The following PIK3R2 variants were observed in gnomAD, a reference collection of about 807,000 sequenced individuals.
PIK3R2 encodes the protein phosphoinositide-3-kinase regulatory subunit 2, also known as phosphatidylinositol 3-kinase regulatory subunit beta.
Under a neutral mutation model 78.5 loss-of-function variants are expected in PIK3R2, and 40 were observed. The ratio of observed to expected loss-of-function variants is 0.51; its 90% confidence interval spans 0.40 to 0.66. The LOEUF (loss-of-function observed/expected upper bound fraction) is 0.66. Among genes scored for constraint, PIK3R2 ranks in the 30% least tolerant of loss-of-function variants. PIK3R2 has a pLI of 0.00. For synonymous variants in PIK3R2, 473 were observed against 457.7 expected (o/e 1.03, Z -0.43); for missense variants, 880 against 1,026.6 (o/e 0.86, Z 1.95).
At chr19:18,158,702 C>T (rs1162432652) in intron 2 of PIK3R2, among the ~76,000 whole-genome samples, 3 of 152,176 alleles carry the variant, frequency 2.0e-5, no homozygotes, top group Non-Finnish European at 4.4e-5. Context: ...GAGGGCAGGT[C>T]CTGTGGCCAA....
Position 18,169,516 on chromosome 19 carries a change from T to A in PIK3R2, c.*222T>A, listed in dbSNP as rs1967130658. On this transcript the variant is annotated 3_prime_UTR_variant, in exon 16 of 16. Transcript: ENST00000222254. The stretch of plus-strand genomic sequence containing the variant: ...CTCTGTCTTTCTTGGCCCCTGTCTC[T>A]CTCCATGTTGGGGGTCCTAACTCCC... 1 of 338,774 alleles carries A rather than the reference T, an allele frequency of 3.0e-6. No individual in the cohort carries two copies. Among genetic ancestry groups the A allele is most frequent in the Non-Finnish European group, 5.4e-6 (1 of 186,410 alleles). 21.0% of individuals were successfully genotyped at this position (338,774 alleles called of 1,614,324 possible).
Position 18,161,861 on chromosome 19 carries a change from T to G in PIK3R2, c.816-105T>G. The G allele has an allele frequency of 1.1e-6, 1 of 903,436 alleles. No individual in the cohort carries two copies. The highest frequency in any genetic ancestry group is 1.4e-5 in the South Asian group (1 of 72,760). The allele number at this position is 903,436 out of a possible 1,614,324, so 56.0% of individuals were successfully genotyped here. A position where few individuals can be genotyped will look rare whatever the true frequency, so the allele number is the denominator to read the frequency against. On this transcript the variant is annotated intron_variant, in intron 6 of 15. Coordinates refer to ENST00000222254, the MANE Select transcript of PIK3R2 (RefSeq NM_005027.4). This position sits in a 1 kb window ranked among gnomAD's most constrained non-coding sequence, Gnocchi z 5.3. ...ATCTCCTCCTCCGCCCTGCACATAC[T>G]GTCTCGTATATACCCCCAGGCGTGC...
At chr19:18,163,512 A>T in intron 11 of PIK3R2, 124 bp downstream of exon 11, 1 of 1,002,434 alleles carries the variant, frequency 1.0e-6, no homozygotes, top group East Asian at 2.6e-5. Context: ...CAGAGCAGGC[A>T]CTTAGCACCA....
intron 3 of PIK3R2, 29 bp downstream of exon 3, chr19:18,160,592 G>A (rs766757561): frequency 1.5e-5 from 23 of 1,534,332 alleles, no homozygotes; most frequent in Middle Eastern, 1.7e-4. Flanking sequence ...GCAGCCCCTG[G>A]ATTCTGCTTG....
Position 18,156,230 on chromosome 19 carries a change from G to T in PIK3R2, c.322+29G>T. 2 of 1,449,902 alleles carry T rather than the reference G, an allele frequency of 1.4e-6. No individual in the cohort carries two copies. The highest frequency in any genetic ancestry group is 1.8e-6 in the Non-Finnish European group (2 of 1,101,582). 89.8% of individuals were successfully genotyped at this position (1,449,902 alleles called of 1,614,324 possible). On this transcript the variant is annotated intron_variant, in intron 2 of 15. Coordinates refer to ENST00000222254, the MANE Select transcript of PIK3R2 (RefSeq NM_005027.4). The surrounding 1 kb of genome is among the most constrained non-coding windows in gnomAD (Gnocchi z 4.2). ...AGCAGCAAGCAGGGGCCCTGGAAAG[G>T]GGGGTGGTCCCCTCAGACCCTTGGT...
rs756069673 is a variant in PIK3R2, at chr19:18,167,344, C to T, written c.1736+38C>T. ...TCCATACTTCCCTGCGGCTCCCTGG[C>T]GACTGCTGCGGCACATGGAGATCTC... is the stretch of plus-strand genomic sequence containing the variant. On this transcript the variant is annotated intron_variant, in intron 13 of 15. Transcript: ENST00000222254. The surrounding 1 kb of genome is among the most constrained non-coding windows in gnomAD (Gnocchi z 4.5). 1.2e-5 allele frequency: 18 copies of T among 1,494,378 alleles called. No homozygotes were observed. Among genetic ancestry groups the T allele is most frequent in the Admixed American group, 2.1e-5 (1 of 48,002 alleles). The allele number at this position is 1,494,378 out of a possible 1,614,324, so 92.6% of individuals were successfully genotyped here. A position where few individuals can be genotyped will look rare whatever the true frequency, so the allele number is the denominator to read the frequency against.
At chr19:18,162,573 A>T in intron 9 of PIK3R2, 67 bp downstream of exon 9, 1 of 1,369,484 alleles carries the variant, frequency 7.3e-7, no homozygotes, top group Non-Finnish European at 1.0e-6. Flanking sequence ...TTCAGAGGGG[A>T]TAGAACATGT....
At position 18,156,152 on chromosome 19, in the gene PIK3R2, G is replaced by C; in HGVS notation, c.273G>C (p.Arg91=). 6.8e-7 allele frequency: 1 copy of C among 1,465,840 alleles called. No homozygotes were observed. The highest frequency in any genetic ancestry group is 1.8e-4 in the Middle Eastern group (1 of 5,468). The allele number at this position is 1,465,840 out of a possible 1,614,324, so 90.8% of individuals were successfully genotyped here. ...VALARPGPRP[R]GPRPLPARPR... is the part of the protein sequence containing the mutation. ...TGGCCCGGCCCGGCCCTCGCCCACG[G>C]GGCCCCCGCCCACTGCCCGCCAGGC... The change falls in exon 2 of 16, where the codon CGG becomes CGC. Residue 91 remains arginine, a synonymous_variant. Coordinates refer to ENST00000222254, the MANE Select transcript of PIK3R2 (RefSeq NM_005027.4). This position sits in a 1 kb window ranked among gnomAD's most constrained non-coding sequence, Gnocchi z 4.2.
chr19:18,156,562 G>A lies in PIK3R2; in HGVS notation c.322+361G>A, dbSNP rs902037860. Among the ~76,000 whole-genome samples the A allele has an allele frequency of 6.6e-6, 1 of 152,172 alleles. No homozygotes were observed. The highest frequency in any genetic ancestry group is 1.5e-5 in the Non-Finnish European group (1 of 68,028). ...AGCAGGAGGACCAGAGGGAGGAAGG[G>A]GAGGGCAATGTGCGCTGGCATGGAG... On this transcript the variant is annotated intron_variant, in intron 2 of 15. Coordinates refer to ENST00000222254, the MANE Select transcript of PIK3R2 (RefSeq NM_005027.4). This position sits in a 1 kb window ranked among gnomAD's most constrained non-coding sequence, Gnocchi z 4.2.
chr19:18,170,107 C>T lies in PIK3R2; in HGVS notation c.*813C>T. 1 of 159,578 alleles carries T rather than the reference C, an allele frequency of 6.3e-6. No homozygotes were observed. The highest frequency in any genetic ancestry group is 1.4e-4 in the East Asian group (1 of 6,948). 9.9% of individuals were successfully genotyped at this position (159,578 alleles called of 1,614,324 possible). ...CCTGTAATCCCAGCTACTTGGGAGG[C>T]TGAGGCGTGAGAATCTCTTGAACCC... On this transcript the variant is annotated 3_prime_UTR_variant, in exon 16 of 16. Coordinates refer to ENST00000222254, the MANE Select transcript of PIK3R2 (RefSeq NM_005027.4).
In PIK3R2 at chr19:18,168,660, C is replaced by T. The variant is rs2147959507; in HGVS notation, c.1809-66C>T. ...CAGGGAGGAAAAGTTGTCCAGGCAG[C>T]TGGGGAGCCTCGGAGGCTGGCAGGT... is the stretch of plus-strand genomic sequence containing the variant. On this transcript the variant is annotated intron_variant, in intron 14 of 15. Transcript: ENST00000222254. The surrounding 1 kb of genome is among the most constrained non-coding windows in gnomAD (Gnocchi z 4.1). The T allele has an allele frequency of 7.3e-7, 1 of 1,377,618 alleles. No individual in the cohort carries two copies. The highest frequency in any genetic ancestry group is 1.4e-5 in the African/African-American group (1 of 70,726). The allele number at this position is 1,377,618 out of a possible 1,614,324, so 85.3% of individuals were successfully genotyped here.
chr19:18,156,368 T>TC lies in PIK3R2; in HGVS notation c.322+169dup, dbSNP rs1432017921. On this transcript the variant is annotated intron_variant, in intron 2 of 15. Coordinates refer to ENST00000222254, the MANE Select transcript of PIK3R2 (RefSeq NM_005027.4). The surrounding 1 kb of genome is among the most constrained non-coding windows in gnomAD (Gnocchi z 4.2). ...GCTCAGCAGTGGACACAAGGCCTGT[T>TC]CCTGCCCTCATGAGCTTCTGGTTCA... Among the ~76,000 whole-genome samples, 2 of 152,230 alleles carry TC rather than the reference T, an allele frequency of 1.3e-5. No individual in the cohort carries two copies. Among genetic ancestry groups the TC allele is most frequent in the African/African-American group, 2.4e-5 (1 of 41,464 alleles).
At chr19:18,158,651 G>T (rs1599967016) in intron 2 of PIK3R2, among the ~76,000 whole-genome samples, 1 of 152,220 alleles carries the variant, frequency 6.6e-6, no homozygotes, top group Admixed American at 6.5e-5. Context: ...GAGAGGCAAT[G>T]TCATTGGCCC....
At chr19:18,165,849 G>T (rs185143940) in intron 11 of PIK3R2, among the ~76,000 whole-genome samples, 11 of 152,232 alleles carry the variant, frequency 7.2e-5, no homozygotes, top group Admixed American at 6.5e-4. Context: ...AAGGAAAGTC[G>T]TAGTGCGGCA....
rs573219941 is a variant in PIK3R2, at chr19:18,168,990, T to G, written c.1979+94T>G. 99 of 1,558,606 alleles carry G rather than the reference T, an allele frequency of 6.4e-5. No individual in the cohort carries two copies. Among genetic ancestry groups the G allele is most frequent in the Non-Finnish European group, 7.7e-5 (88 of 1,142,380 alleles). ...CCAGGCCTTGGGAAGGAGTCCCTGG[T>G]GGGGTCATCCGGGACAGGGGAGCAC... is the stretch of plus-strand genomic sequence containing the variant. On this transcript the variant is annotated intron_variant, in intron 15 of 15. Coordinates refer to ENST00000222254, the MANE Select transcript of PIK3R2 (RefSeq NM_005027.4). This position sits in a 1 kb window ranked among gnomAD's most constrained non-coding sequence, Gnocchi z 4.1.
chr19:18,165,543 A>G (rs1474019416), intron 11 of PIK3R2, among the ~76,000 whole-genome samples: 1 of 151,382 alleles, frequency 6.6e-6, no homozygotes, highest in Non-Finnish European at 1.5e-5. Context: ...AAACAAAAAA[A>G]ATTTTGAGGT....
chr19:18,160,947 G>A lies in PIK3R2; in HGVS notation c.444G>A (p.Pro148=), dbSNP rs369698998. The change falls in exon 4 of 16, where the codon CCG becomes CCA. Residue 148 remains proline (P), a synonymous_variant. Coordinates refer to ENST00000222254, the MANE Select transcript of PIK3R2 (RefSeq NM_005027.4). The part of the protein sequence containing the change: ...TGLDSESHYR[P]ELPAPRTDWS... ...TGGACAGCGAATCTCACTACCGCCC[G>A]GAGCTGCCCGCACCGCGTACAGGTG... 3 of 1,611,914 alleles carry A rather than the reference G, an allele frequency of 1.9e-6. No individual in the cohort carries two copies. The highest frequency in any genetic ancestry group is 1.7e-6 in the Non-Finnish European group (2 of 1,179,522).
chr19:18,163,172 G>A (rs1209750649), intron 10 of PIK3R2, 25 bp downstream of exon 10: 1 of 1,613,392 alleles, frequency 6.2e-7, no homozygotes. Context: ...GGGAGCCAGG[G>A]AGGGTAGCAC....
rs1001339002 is a variant in PIK3R2, at chr19:18,170,149, A to C, written c.*855A>C. ...CTTGAACCCAGGAGATGGAGGTTGCAGTGAGCAGAGATCGTGCCACTGCAC... is the reference window on the plus strand; with the variant it reads ...CTTGAACCCAGGAGATGGAGGTTGCCGTGAGCAGAGATCGTGCCACTGCAC... On this transcript the variant is annotated 3_prime_UTR_variant, in exon 16 of 16. Coordinates refer to ENST00000222254, the MANE Select transcript of PIK3R2 (RefSeq NM_005027.4). The C allele has an allele frequency of 5.2e-5, 8 of 154,994 alleles. No homozygotes were observed. Among genetic ancestry groups the C allele is most frequent in the Non-Finnish European group, 1.0e-4 (7 of 69,528 alleles). The allele number at this position is 154,994 out of a possible 1,614,324, so 9.6% of individuals were successfully genotyped here. A position where few individuals can be genotyped will look rare whatever the true frequency, so the allele number is the denominator to read the frequency against.
Sources: gnomAD v4.1 joint callset for allele counts (sites outside exome capture counted in the v4.1 genomes callset) on GRCh38, gnomAD v4.1.1 for gene constraint, Gnocchi (gnomAD v3.1) non-coding constraint, MANE v1.5 for transcripts, NCBI Gene and HGNC (gene_info 2026-07-23, HGNC 2026-07-21) for gene names.